The following PHIP variants were observed in gnomAD, a reference collection of about 807,000 sequenced individuals.
PHIP encodes the protein PH-interacting protein.
In PHIP, 54 loss-of-function variants were observed where a neutral mutation model predicts 236.8. The ratio of observed to expected loss-of-function variants is 0.23; its 90% confidence interval spans 0.18 to 0.29. The LOEUF is 0.29. PHIP is among the 10% of genes least tolerant of loss of function. The probability of loss-of-function intolerance (pLI) is 1.00; values close to 1 mark genes in which losing one functional copy is unlikely to be tolerated. For missense variants in PHIP, 1,370 were observed against 2,190.8 expected (o/e 0.63, Z 7.48); for synonymous variants, 756 against 718.9 (o/e 1.05, Z -0.83).
intron 7 of PHIP, among the ~76,000 whole-genome samples, chr6:79,031,309 G>T (rs1771662256): frequency 6.6e-6 from 1 of 152,148 alleles, no homozygotes; most frequent in African/African-American, 2.4e-5. Flanking sequence ...ATTATCATTT[G>T]TTTATATCAA....
chr6:79,078,007 C>T (rs1373047880), intron 1 of PHIP, 22 bp downstream of exon 1: 1 of 1,607,536 alleles, frequency 6.2e-7, no homozygotes, highest in Non-Finnish European at 8.5e-7. Flanking sequence ...GTGCCAGCGG[C>T]CCCGGCAGCC....
Position 78,938,437 on chromosome 6 carries a change from A to G in PHIP, c.*2256T>C, listed in dbSNP as rs1773351637. On this transcript the variant is annotated 3_prime_UTR_variant, in exon 40 of 40. Transcript: ENST00000275034. ...TTTTCTGTACACAACTTAAAACTGT[A>G]CATTTTTTTTACAAAAATTGATTTT... The G allele has an allele frequency of 6.6e-6, 1 of 151,694 alleles. No individual in the cohort carries two copies. Among genetic ancestry groups the G allele is most frequent in the African/African-American group, 2.4e-5 (1 of 41,408 alleles). 9.4% of individuals were successfully genotyped at this position (151,694 alleles called of 1,614,324 possible). A position where few individuals can be genotyped will look rare whatever the true frequency, so the allele number is the denominator to read the frequency against.
At chr6:78,954,358 G>A (rs994130790) in intron 35 of PHIP, among the ~76,000 whole-genome samples, 4 of 151,682 alleles carry the variant, frequency 2.6e-5, no homozygotes, top group African/African-American at 4.8e-5. Context: ...TGCCTGCCTC[G>A]GCCTCCCAAA....
chr6:78,945,285 C>G lies in PHIP; in HGVS notation c.4828+15G>C. ...AGGATCTACTGTATCTTGAAAGATA[C>G]AAGTAATACCTTACCTTGCTCAATG... On this transcript the variant is annotated intron_variant, in intron 39 of 39. Coordinates refer to ENST00000275034, the MANE Select transcript of PHIP (RefSeq NM_017934.7). 6.4e-7 allele frequency: 1 copy of G among 1,554,974 alleles called. No individual in the cohort carries two copies. The highest frequency in any genetic ancestry group is 8.9e-7 in the Non-Finnish European group (1 of 1,126,406).
intron 7 of PHIP, among the ~76,000 whole-genome samples, chr6:79,040,524 C>T (rs1772154645): frequency 6.6e-6 from 1 of 152,112 alleles, no homozygotes; most frequent in African/African-American, 2.4e-5. Context: ...TATGTTCTCT[C>T]ACAGGAGTGT....
intron 27 of PHIP, among the ~76,000 whole-genome samples, chr6:78,968,808 G>A (rs1371541137): frequency 6.6e-6 from 1 of 151,976 alleles, no homozygotes; most frequent in East Asian, 1.9e-4. Flanking sequence ...ATCTCTAACA[G>A]CTCAAGCTGT....
chr6:79,070,286 A>G (rs2127779546), intron 4 of PHIP, among the ~76,000 whole-genome samples: 1 of 152,336 alleles, frequency 6.6e-6, no homozygotes, highest in South Asian at 2.1e-4. Context: ...ATGAAAAGTT[A>G]CTGTGTATTA....
rs767404249 is a variant in PHIP at position 79,031,781 on chromosome 6, T to C, written c.601-5617A>G. ...TACAGTATGGAGGTAATGGTACCAA[T>C]TACTTTTCCTTTCAGCATGCAGCTG... On this transcript the variant is annotated intron_variant, in intron 7 of 39. Coordinates refer to ENST00000275034, the MANE Select transcript of PHIP (RefSeq NM_017934.7). Among the ~76,000 whole-genome samples, 5 of 152,354 alleles carry C rather than the reference T, an allele frequency of 3.3e-5. No individual in the cohort carries two copies. The East Asian group carries it at 9.6e-4, about 29-fold the overall frequency.
chr6:79,059,391 C>A (rs547093478), intron 6 of PHIP, among the ~76,000 whole-genome samples: 1 of 151,418 alleles, frequency 6.6e-6, no homozygotes, highest in South Asian at 2.1e-4. Flanking sequence ...GAGAAAAAAT[C>A]TTAAAAACAA....
rs75113677 is a variant in PHIP at position 78,981,381 on chromosome 6, C to T, written c.2769+1505G>A. ...AAGTCCATCTACTGTTACATCACTG[C>T]TAGGCATGCGAACAAAATTTAAACT... On this transcript the variant is annotated intron_variant, in intron 23 of 39. Transcript: ENST00000275034. Among the ~76,000 whole-genome samples, 512 of 152,068 alleles carry T rather than the reference C, an allele frequency of 3.4e-3. 2 individuals carry two copies. The highest frequency in any genetic ancestry group is 0.011 in the African/African-American group (447 of 41,520).
At chr6:79,005,885 TAC>T (rs895177500) in intron 15 of PHIP, among the ~76,000 whole-genome samples, 4 of 151,956 alleles carry the variant, frequency 2.6e-5, no homozygotes, top group Non-Finnish European at 5.9e-5. Flanking sequence ...TTGCCACATT[TAC>T]AGTTAGTAGA....
chr6:78,961,708 A>G lies in PHIP; in HGVS notation c.3638T>C (p.Leu1213Pro), dbSNP rs1562127584. The change falls in exon 31 of 40, where the codon CTG (leucine) becomes CCG (proline). Residue 1213 changes from leucine to proline, a missense_variant. Physicochemically the swap from Leu to Pro is moderately conservative, Grantham distance 98. Transcript: ENST00000275034. ...TTCTAACCTGTAAAACCTGTTTTCCAGTCTTTGTTTAATTGTACTTAGATC... is the reference window on the plus strand; with the variant it reads ...TTCTAACCTGTAAAACCTGTTTTCCGGTCTTTGTTTAATTGTACTTAGATC... ...PTDLSTIKQR[L>P]ENRFYRRVSS... 6.2e-7 allele frequency: 1 copy of G among 1,612,454 alleles called. No individual in the cohort carries two copies. The highest frequency in any genetic ancestry group is 8.5e-7 in the Non-Finnish European group (1 of 1,178,812).
Position 78,940,732 on chromosome 6 carries a change from C to T in PHIP, c.5427G>A (p.Lys1809=), listed in dbSNP as rs1367373157. Residue 1809 remains lysine, a synonymous_variant, in exon 40 of 40, where the codon AAG becomes AAA. Transcript: ENST00000275034. ...AATTAGCTTTTGCTTTTTCAGTCAA[C>T]TTTCGGACTCGTCCTCTACTAGAAG... is the stretch of plus-strand genomic sequence containing the variant. The part of the protein sequence containing the change: ...FGTSSRGRVR[K]LTEKAKANLI... The T allele has an allele frequency of 1.2e-6, 2 of 1,612,612 alleles. No homozygotes were observed. Among genetic ancestry groups the T allele is most frequent in the African/African-American group, 2.7e-5 (2 of 74,782 alleles).
chr6:79,020,997 T>C (rs1232155419), intron 9 of PHIP, among the ~76,000 whole-genome samples: 1 of 152,250 alleles, frequency 6.6e-6, no homozygotes, highest in East Asian at 1.9e-4. Context: ...GTAAGGTTAG[T>C]TTAATGGAAA....
intron 15 of PHIP, among the ~76,000 whole-genome samples, chr6:79,012,533 TG>T (rs1770639404): frequency 6.6e-6 from 1 of 151,734 alleles, no homozygotes; most frequent in Admixed American, 6.6e-5. Context: ...CTTCACATGG[TG>T]CTCAAAAAAT....
intron 20 of PHIP, 60 bp from the exon 21 acceptor site, chr6:78,988,409 A>G (rs1357154193): frequency 7.7e-7 from 1 of 1,300,718 alleles, no homozygotes; most frequent in African/African-American, 1.5e-5. Context: ...TTTTTAGTTT[A>G]AAAGTTAAAA....
At position 78,941,065 on chromosome 6, in the gene PHIP, A is replaced by C; in HGVS notation, c.5094T>G (p.Thr1698=). The part of the protein sequence containing the change: ...PSSTCNFLSE[T]NNVKEDLLQK... ...GTAACAAATCTTCCTTTACATTATT[A>C]GTTTCAGAAAGAAAATTGCATGTTG... The change falls in exon 40 of 40, where the codon ACT becomes ACG. Residue 1698 remains threonine, a synonymous_variant. Transcript: ENST00000275034. 2 of 1,613,928 alleles carry C rather than the reference A, an allele frequency of 1.2e-6. No homozygotes were observed. Among genetic ancestry groups the C allele is most frequent in the Non-Finnish European group, 1.7e-6 (2 of 1,179,912 alleles).
chr6:79,073,740 T>C (rs562870387), intron 4 of PHIP, among the ~76,000 whole-genome samples: 1 of 152,152 alleles, frequency 6.6e-6, no homozygotes, highest in Non-Finnish European at 1.5e-5. Context: ...ACTTAAACTA[T>C]GATGGAAATC....
At chr6:79,039,620 T>A (rs888140866) in intron 7 of PHIP, among the ~76,000 whole-genome samples, 1 of 152,158 alleles carries the variant, frequency 6.6e-6, no homozygotes, top group Non-Finnish European at 1.5e-5. Context: ...CTGAAGTTCA[T>A]TAAAGGAATG....
Sources: gnomAD v4.1 joint callset for allele counts (sites outside exome capture counted in the v4.1 genomes callset) on GRCh38, gnomAD v4.1.1 for gene constraint, MANE v1.5 for transcripts, NCBI Gene and HGNC (gene_info 2026-07-23, HGNC 2026-07-21) for gene names.